Variants in MED13L observed in about 807,000 individuals in gnomAD.
The protein encoded by MED13L is mediator complex subunit 13L.
A neutral mutation model predicts 220.9 loss-of-function variants in MED13L; 7 were observed. The observed-to-expected ratio is 0.03, with a 90% confidence interval of 0.02 to 0.06. MED13L has a LOEUF of 0.06. Among genes scored for constraint, MED13L ranks in the 10% least tolerant of loss-of-function variants. The pLI is 1.00. For synonymous variants in MED13L, 1,011 were observed against 1,015.2 expected (o/e 1.00, Z 0.08); for missense variants, 1,965 against 2,760.5 (o/e 0.71, Z 6.46).
chr12:115,996,926 C>G, intron 15 of MED13L, 84 bp downstream of exon 15: 1 of 1,402,374 alleles, frequency 7.1e-7, no homozygotes, highest in South Asian at 1.2e-5. Context: ...ATATGGCACA[C>G]AGACAATACC....
intron 2 of MED13L, among the ~76,000 whole-genome samples, chr12:116,161,669 A>G (rs938558044): frequency 2.6e-5 from 4 of 152,212 alleles, no homozygotes; most frequent in Admixed American, 2.6e-4. Context: ...GATTAAGCCA[A>G]GAGTGCTGAC....
At chr12:116,111,816 A>G (rs2137901527) in intron 2 of MED13L, among the ~76,000 whole-genome samples, 1 of 152,310 alleles carries the variant, frequency 6.6e-6, no homozygotes, top group African/African-American at 2.4e-5. Flanking sequence ...AAATTCTCAA[A>G]TTAATCTATT....
chr12:116,049,279 C>T (rs1016144776), intron 4 of MED13L, among the ~76,000 whole-genome samples: 25 of 152,262 alleles, frequency 1.6e-4, no homozygotes, highest in African/African-American at 6.0e-4. Context: ...GATAACTGCT[C>T]ATAAACCATT....
intron 2 of MED13L, among the ~76,000 whole-genome samples, chr12:116,197,368 G>A (rs1207017631): frequency 6.6e-6 from 1 of 152,094 alleles, no homozygotes; most frequent in African/African-American, 2.4e-5. Flanking sequence ...TCTGTTCTCT[G>A]CTTTATCTCG....
At chr12:116,172,309 T>C (rs1879739625) in intron 2 of MED13L, among the ~76,000 whole-genome samples, 1 of 152,116 alleles carries the variant, frequency 6.6e-6, no homozygotes, top group Non-Finnish European at 1.5e-5. Flanking sequence ...ATGAGAACAC[T>C]AGCATATGAT....
rs1443354859 is a variant in MED13L, at chr12:116,119,824, AAAAAAAAAAAAAAAAT to A, written c.311-8328_311-8313del. On this transcript the variant is annotated intron_variant, in intron 2 of 30. Coordinates refer to ENST00000281928, the MANE Select transcript of MED13L (RefSeq NM_015335.5). ...CCCATATCTTTAAAAAAAAAAAAAA[AAAAAAAAAAAAAAAAT>A]ATATATATATATATATATATATGAA... Among the ~76,000 whole-genome samples, 51 of 110,596 alleles carry A rather than the reference AAAAAAAAAAAAAAAAT, an allele frequency of 4.6e-4. 1 individual carries two copies. The highest frequency in any genetic ancestry group is 3.7e-4 in the Admixed American group (4 of 10,780). The allele number at this position is 110,596 out of a possible 152,430, so 72.6% of individuals were successfully genotyped here. A position where few individuals can be genotyped will look rare whatever the true frequency, so the allele number is the denominator to read the frequency against.
chr12:115,995,637 G>A (rs189616852), intron 16 of MED13L, among the ~76,000 whole-genome samples: 1 of 152,212 alleles, frequency 6.6e-6, no homozygotes, highest in Admixed American at 6.5e-5. Flanking sequence ...TGCCCAGGCT[G>A]GTCTCAAACT....
intron 30 of MED13L, among the ~76,000 whole-genome samples, chr12:115,962,129 A>G (rs1875806638): frequency 6.6e-6 from 1 of 152,242 alleles, no homozygotes; most frequent in Non-Finnish European, 1.5e-5. Flanking sequence ...TGTGGCTAAC[A>G]GAAAAATTTT....
At chr12:116,184,911 G>A (rs1391420586) in intron 2 of MED13L, among the ~76,000 whole-genome samples, 3 of 152,116 alleles carry the variant, frequency 2.0e-5, no homozygotes, top group Non-Finnish European at 4.4e-5. Context: ...GTGCATGGTG[G>A]TGGAATTTTT....
At position 116,082,504 on chromosome 12, in the gene MED13L, T is replaced by C. The variant is rs546841090; in HGVS notation, c.479+14165A>G. On this transcript the variant is annotated intron_variant, in intron 4 of 30. Coordinates refer to ENST00000281928, the MANE Select transcript of MED13L (RefSeq NM_015335.5). ...TTTTCACCTAGGCTGCCTCCGTTAT[T>C]ACCCAGAGTTGCTCTCTCATCTTAC... 4 of 152,264 alleles carry C rather than the reference T, an allele frequency of 2.6e-5. No individual in the cohort carries two copies. The South Asian group carries it at 8.3e-4, about 32-fold the overall frequency. 9.4% of individuals were successfully genotyped at this position (152,264 alleles called of 1,614,324 possible).
Position 116,277,587 on chromosome 12 carries a change from G to C in MED13L, c.-456C>G, listed in dbSNP as rs1207876722. ...GCGGACGAAGCCAGCGGGCGACCCC[G>C]GCAGCCGAGCGACGTCCCCTCCTTC... On this transcript the variant is annotated 5_prime_UTR_variant, in exon 1 of 31. Coordinates refer to ENST00000281928, the MANE Select transcript of MED13L (RefSeq NM_015335.5). 6.7e-6 allele frequency among the ~76,000 whole-genome samples: 1 copy of C among 149,180 alleles called. No individual in the cohort carries two copies. The highest frequency in any genetic ancestry group is 1.5e-5 in the Non-Finnish European group (1 of 66,922).
chr12:116,203,563 T>C (rs749600562), intron 2 of MED13L, among the ~76,000 whole-genome samples: 3 of 152,130 alleles, frequency 2.0e-5, no homozygotes, highest in Non-Finnish European at 4.4e-5. Flanking sequence ...CTCACACCTG[T>C]AATCCAAGCA....
intron 17 of MED13L, among the ~76,000 whole-genome samples, chr12:115,989,555 C>G (rs1055491547): frequency 6.6e-6 from 1 of 152,052 alleles, no homozygotes; most frequent in African/African-American, 2.4e-5. Flanking sequence ...GCCAACCACT[C>G]CCTCTCCCCT....
chr12:116,023,518 A>G (rs902998121), intron 4 of MED13L, among the ~76,000 whole-genome samples: 6 of 152,282 alleles, frequency 3.9e-5, no homozygotes, highest in African/African-American at 4.8e-5. Flanking sequence ...AAACTTCTCT[A>G]AAGTATTATA....
At chr12:115,990,893 T>C (rs555344733) in intron 17 of MED13L, 127 bp downstream of exon 17, 2 of 969,682 alleles carry the variant, frequency 2.1e-6, no homozygotes, top group South Asian at 1.4e-5. Context: ...GCTCTCACTT[T>C]AGGTTCTTTT....
At chr12:116,264,559 C>G (rs1040571965) in intron 1 of MED13L, among the ~76,000 whole-genome samples, 9 of 152,128 alleles carry the variant, frequency 5.9e-5, no homozygotes, top group Non-Finnish European at 1.2e-4. Context: ...GAGATTGTTT[C>G]CCACTTCCTT....
chr12:116,160,431 G>A (rs1878768427), intron 2 of MED13L, among the ~76,000 whole-genome samples: 1 of 152,110 alleles, frequency 6.6e-6, no homozygotes, highest in Non-Finnish European at 1.5e-5. Flanking sequence ...CCCTGCAATA[G>A]TCACCTGAGA....
At chr12:116,046,649 T>C (rs1341326276) in intron 4 of MED13L, among the ~76,000 whole-genome samples, 1 of 152,224 alleles carries the variant, frequency 6.6e-6, no homozygotes, top group African/African-American at 2.4e-5. Context: ...CTCACTTCTA[T>C]CTGTGTACGA....
chr12:115,973,969 C>T (rs1876762120), intron 25 of MED13L, among the ~76,000 whole-genome samples: 1 of 151,988 alleles, frequency 6.6e-6, no homozygotes, highest in Non-Finnish European at 1.5e-5. Context: ...TTAGGCATTC[C>T]TACAGTGCAA....
Sources: allele counts gnomAD v4.1 joint callset (sites outside exome capture counted in the v4.1 genomes callset), GRCh38; gene constraint gnomAD v4.1.1; transcripts MANE v1.5; gene names NCBI Gene and HGNC (gene_info 2026-07-23, HGNC 2026-07-21).